KCNAB1: variants seen among roughly 807,000 people sequenced by gnomAD.
The protein encoded by KCNAB1 is voltage-gated potassium channel subunit beta-1.
A neutral mutation model predicts 64.6 loss-of-function variants in KCNAB1; 35 were observed. The ratio of observed to expected loss-of-function variants is 0.54; its 90% CI spans 0.41 to 0.72. KCNAB1 has a LOEUF of 0.72. Among genes scored for constraint, KCNAB1 ranks in the 30% least tolerant of loss-of-function variants. KCNAB1 has a pLI of 0.00. For synonymous variants in KCNAB1, 177 were observed against 183.8 expected (o/e 0.96, Z 0.30); for missense variants, 401 against 512.9 (o/e 0.78, Z 2.11).
At chr3:156,179,642 G>A (rs1712669747) in intron 1 of KCNAB1, among the ~76,000 whole-genome samples, 1 of 152,086 alleles carries the variant, frequency 6.6e-6, no homozygotes, top group South Asian at 2.1e-4. Context: ...AAAAGTTCTG[G>A]CTGCATGCAA....
chr3:156,135,070 G>A (rs368932454), intron 1 of KCNAB1, among the ~76,000 whole-genome samples: 1 of 151,552 alleles, frequency 6.6e-6, no homozygotes, highest in Non-Finnish European at 1.5e-5. Context: ...AATCTCACCT[G>A]ACTGCAACCT....
Position 156,503,428 on chromosome 3 carries a change from A to G in KCNAB1, c.659-10936A>G, listed in dbSNP as rs16826333. ...GATGAACAACTGCTGTCTTGCTAGG[A>G]TTAAAGAGTACATGTCTGGTGGAGC... On this transcript the variant is annotated intron_variant, in intron 8 of 13. Transcript: ENST00000490337. Among the ~76,000 whole-genome samples, 829 of 152,340 alleles carry G rather than the reference A, an allele frequency of 5.4e-3. 8 individuals carry two copies. The highest frequency in any genetic ancestry group is 0.019 in the African/African-American group (777 of 41,574).
At chr3:156,155,367 A>G (rs959224026) in intron 1 of KCNAB1, among the ~76,000 whole-genome samples, 3 of 152,234 alleles carry the variant, frequency 2.0e-5, no homozygotes, top group Admixed American at 1.3e-4. Flanking sequence ...GGGACGTGCC[A>G]GTTAATGAAC....
intron 1 of KCNAB1, among the ~76,000 whole-genome samples, chr3:156,139,958 A>G (rs910696992): frequency 1.3e-5 from 2 of 152,178 alleles, no homozygotes; most frequent in African/African-American, 4.8e-5. Flanking sequence ...AGGTACAAGT[A>G]CCACTCATAC....
At chr3:156,176,381 G>A in intron 1 of KCNAB1, 8 of 791,238 alleles carry the variant, frequency 1.0e-5, no homozygotes, top group Non-Finnish European at 1.9e-5. Flanking sequence ...TTCTTCCAGA[G>A]TCCCAAAGCT....
At position 156,516,286 on chromosome 3, in the gene KCNAB1, A is replaced by G. The variant is rs778012118; in HGVS notation, c.882A>G (p.Thr294=). The G allele has an allele frequency of 3.7e-6, 6 of 1,613,710 alleles. No homozygotes were observed. In the Admixed American group the frequency reaches 1.0e-4, roughly 27 times the overall value. ...CTTCTGTAGGTGTTGGCGCAATGAC[A>G]TGGTCTCCACTTGCCTGTGGAATCA... ...LYHKIGVGAM[T]WSPLACGIIS... Residue 294 remains threonine (T), a synonymous_variant, in exon 11 of 14, where the codon ACA becomes ACG. Coordinates refer to ENST00000490337, the MANE Select transcript of KCNAB1 (RefSeq NM_172160.3).
At chr3:156,370,639 A>G (rs1726240335) in intron 1 of KCNAB1, among the ~76,000 whole-genome samples, 1 of 152,242 alleles carries the variant, frequency 6.6e-6, no homozygotes, top group South Asian at 2.1e-4. Context: ...AAAAGAAGTC[A>G]AAGGGTTGGC....
At chr3:156,532,067 T>G (rs1004220597) in intron 13 of KCNAB1, among the ~76,000 whole-genome samples, 8 of 152,210 alleles carry the variant, frequency 5.3e-5, no homozygotes, top group African/African-American at 1.9e-4. Flanking sequence ...ACACTCAAGA[T>G]CTATTGAATA....
intron 8 of KCNAB1, among the ~76,000 whole-genome samples, chr3:156,487,408 A>T (rs977625052): frequency 6.6e-6 from 1 of 151,996 alleles, no homozygotes; most frequent in African/African-American, 2.4e-5. Flanking sequence ...AAAAGCCTCA[A>T]CCTCTGCAGT....
intron 1 of KCNAB1, chr3:156,291,580 C>T (rs910173500): frequency 1.1e-4 from 140 of 1,222,754 alleles, no homozygotes; most frequent in Non-Finnish European, 1.4e-4. Flanking sequence ...AAACCTCCCC[C>T]ACTGCATGGA....
chr3:156,331,859 C>T (rs1723358017), intron 1 of KCNAB1, among the ~76,000 whole-genome samples: 1 of 151,194 alleles, frequency 6.6e-6, no homozygotes, highest in South Asian at 2.1e-4. Flanking sequence ...TCAAATTTTC[C>T]AAACAGTCTT....
At chr3:156,529,075 T>G (rs1718517246) in intron 12 of KCNAB1, among the ~76,000 whole-genome samples, 1 of 152,066 alleles carries the variant, frequency 6.6e-6, no homozygotes, top group Non-Finnish European at 1.5e-5. Flanking sequence ...AGAAGACAGC[T>G]GAACCGGAGA....
intron 8 of KCNAB1, among the ~76,000 whole-genome samples, chr3:156,500,367 G>A (rs1269905517): frequency 6.6e-6 from 1 of 152,146 alleles, no homozygotes; most frequent in Non-Finnish European, 1.5e-5. Context: ...AGTGACATGA[G>A]CAGATAAATC....
chr3:156,307,075 A>G (rs1721538132), intron 1 of KCNAB1, among the ~76,000 whole-genome samples: 1 of 152,240 alleles, frequency 6.6e-6, no homozygotes. Context: ...ATAGAAAAAT[A>G]TTAACATGTC....
chr3:156,125,349 G>A (rs190673539), intron 1 of KCNAB1, among the ~76,000 whole-genome samples: 1 of 152,268 alleles, frequency 6.6e-6, no homozygotes, highest in East Asian at 1.9e-4. Flanking sequence ...CAAGAGCTGA[G>A]CATCCCGCTG....
chr3:156,469,523 C>G (rs979702233), intron 7 of KCNAB1, among the ~76,000 whole-genome samples: 1 of 151,874 alleles, frequency 6.6e-6, no homozygotes, highest in African/African-American at 2.4e-5. Flanking sequence ...AGCATTTTTT[C>G]AAGCCTCATA....
chr3:156,387,323 A>T (rs577125535), intron 1 of KCNAB1, among the ~76,000 whole-genome samples: 39 of 152,278 alleles, frequency 2.6e-4, no homozygotes, highest in African/African-American at 8.4e-4. Context: ...ACAGAGCTGG[A>T]CAGAGAGACA....
At chr3:156,336,710 C>A (rs973588643) in intron 1 of KCNAB1, among the ~76,000 whole-genome samples, 3 of 152,170 alleles carry the variant, frequency 2.0e-5, no homozygotes, top group African/African-American at 7.2e-5. Context: ...TGAACAAGTG[C>A]TTTATCTTGA....
At chr3:156,220,193 C>T (rs191490115) in intron 1 of KCNAB1, among the ~76,000 whole-genome samples, 2 of 152,152 alleles carry the variant, frequency 1.3e-5, no homozygotes, top group Admixed American at 1.3e-4. Flanking sequence ...TGCATGTGTC[C>T]ATATAGTAGC....
Sources: allele counts gnomAD v4.1 joint callset (sites outside exome capture counted in the v4.1 genomes callset), GRCh38; gene constraint gnomAD v4.1.1; transcripts MANE v1.5; gene names NCBI Gene and HGNC (gene_info 2026-07-23, HGNC 2026-07-21).